The following LRP2 variants were observed in gnomAD, a reference collection of about 807,000 sequenced individuals.
LRP2 encodes the protein low-density lipoprotein receptor-related protein 2.
A neutral mutation model predicts 531.0 loss-of-function variants in LRP2; 172 were observed. The ratio of observed to expected loss-of-function variants is 0.32; its 90% CI spans 0.29 to 0.37. The LOEUF is 0.37. LRP2 is among the 10% of genes least tolerant of loss of function. The pLI is 1.00. For synonymous variants in LRP2, 1,992 were observed against 2,027.6 expected, an observed-to-expected ratio of 0.98 and a Z score of 0.47; for missense variants, 5,167 against 5,868.3, an observed-to-expected ratio of 0.88 and a Z score of 3.90.
intron 1 of LRP2, among the ~76,000 whole-genome samples, chr2:169,338,385 AAAGAAAGAAAGAAAGAAAGAAAG>A (rs1559082634): frequency 7.8e-6 from 1 of 128,672 alleles, no homozygotes; most frequent in African/African-American, 3.0e-5. Context: ...AGAAAGAAAG[AAAGAAAGAAAGAAAGAAAGAAAG>A]AAAAGAAAAG....
chr2:169,173,013 C>G, intron 57 of LRP2, 83 bp downstream of exon 57: 2 of 1,502,760 alleles, frequency 1.3e-6, no homozygotes, highest in Non-Finnish European at 1.8e-6. Flanking sequence ...ATGGGAAATA[C>G]ACTCTCATCT....
In LRP2 at chr2:169,165,802, T is replaced by C. The variant is rs1011766246; in HGVS notation, c.11758+130A>G. On this transcript the variant is annotated intron_variant, in intron 62 of 78. Coordinates refer to ENST00000649046, the MANE Select transcript of LRP2 (RefSeq NM_004525.3). ...GTGTTTGCATGGTCTTGTAAACAAT[T>C]ATGTCAGCAGAGATCTGCAGTCATG... is the stretch of plus-strand genomic sequence containing the variant. The C allele has an allele frequency of 9.0e-6, 10 of 1,108,486 alleles. No individual in the cohort carries two copies. In the African/African-American group the frequency reaches 1.4e-4, roughly 15 times the overall value. 68.7% of individuals were successfully genotyped at this position (1,108,486 alleles called of 1,614,324 possible). A position where few individuals can be genotyped will look rare whatever the true frequency, so the allele number is the denominator to read the frequency against.
At chr2:169,196,761 G>T in intron 46 of LRP2, 150 bp downstream of exon 46, 10 of 1,056,100 alleles carry the variant, frequency 9.5e-6, no homozygotes, top group Middle Eastern at 4.7e-4. Context: ...ATGAATATCC[G>T]CTGAGCGGTG....
rs976831870 is a variant in LRP2, at chr2:169,152,982, C to T, written c.12296-18G>A. ...CACAACACCTACAGAGGAAGACACA[C>T]AGGTCAGTTTCATGTCAAGAGCATC... On this transcript the variant is annotated intron_variant, in intron 66 of 78. Transcript: ENST00000649046. 1 of 1,612,918 alleles carries T rather than the reference C, an allele frequency of 6.2e-7. No individual in the cohort carries two copies. Among genetic ancestry groups the T allele is most frequent in the Non-Finnish European group, 8.5e-7 (1 of 1,179,582 alleles).
At chr2:169,248,367 T>C (rs919050937) in intron 19 of LRP2, among the ~76,000 whole-genome samples, 8 of 152,344 alleles carry the variant, frequency 5.3e-5, no homozygotes, top group Admixed American at 2.0e-4. Context: ...TTGACCAATT[T>C]CCTTATCTGT....
rs73970130 is a variant in LRP2 at position 169,140,610 on chromosome 2, A to C, written c.13109-65T>G. On this transcript the variant is annotated intron_variant, in intron 71 of 78. Transcript: ENST00000649046. ...ACTCAGCAGAGTGCCCACACCATGC[A>C]AACCGGCCCAGGTTAGGGGTGGGAG... The C allele has an allele frequency of 0.022, 28,632 of 1,276,448 alleles. 1,573 individuals are homozygous for C. Among genetic ancestry groups the C allele is most frequent in the African/African-American group, 0.19 (13,291 of 69,634 alleles). The allele number at this position is 1,276,448 out of a possible 1,614,324, so 79.1% of individuals were successfully genotyped here.
At chr2:169,158,515 T>G (rs1372480803) in intron 63 of LRP2, among the ~76,000 whole-genome samples, 1 of 152,004 alleles carries the variant, frequency 6.6e-6, no homozygotes, top group Non-Finnish European at 1.5e-5. Context: ...GATATATATC[T>G]TGGTTTCAAA....
At chr2:169,327,471 G>A (rs1395418601) in intron 1 of LRP2, among the ~76,000 whole-genome samples, 23 of 106,128 alleles carry the variant, frequency 2.2e-4, no homozygotes, top group Non-Finnish European at 2.7e-4. Context: ...CAGCCGCCCC[G>A]TCTGGGAGGG....
intron 25 of LRP2, among the ~76,000 whole-genome samples, chr2:169,240,011 C>T (rs756606792): frequency 2.0e-5 from 3 of 152,198 alleles, no homozygotes; most frequent in Non-Finnish European, 2.9e-5. Flanking sequence ...TTCTTCACTA[C>T]AACCCAATAG....
At chr2:169,152,169 A>G (rs2105355639) in intron 67 of LRP2, among the ~76,000 whole-genome samples, 1 of 152,308 alleles carries the variant, frequency 6.6e-6, no homozygotes, top group South Asian at 2.1e-4. Context: ...CTTAAGTTCT[A>G]CTTAAAAACC....
intron 44 of LRP2, among the ~76,000 whole-genome samples, chr2:169,200,606 AAT>A (rs1688172831): frequency 6.6e-6 from 1 of 152,062 alleles, no homozygotes; most frequent in African/African-American, 2.4e-5. Flanking sequence ...AGTTCAATAT[AAT>A]ACTAAACTAA....
At chr2:169,264,550 C>T (rs532956784) in intron 16 of LRP2, among the ~76,000 whole-genome samples, 226 of 152,066 alleles carry the variant, frequency 1.5e-3, no homozygotes, top group African/African-American at 5.0e-3. Context: ...CCTCTTCCTC[C>T]GAAATTCTAC....
chr2:169,191,797 A>T, intron 48 of LRP2, 35 bp downstream of exon 48: 1 of 1,592,062 alleles, frequency 6.3e-7, no homozygotes. Flanking sequence ...TGGACATTTG[A>T]GGCATGCTGG....
At chr2:169,267,122 T>C (rs1489373066) in intron 16 of LRP2, among the ~76,000 whole-genome samples, 7 of 151,836 alleles carry the variant, frequency 4.6e-5, no homozygotes. Context: ...ACTCCCGGCC[T>C]CAAGCAATCC....
intron 7 of LRP2, among the ~76,000 whole-genome samples, chr2:169,291,368 T>G (rs968306327): frequency 1.3e-5 from 2 of 152,244 alleles, no homozygotes; most frequent in African/African-American, 4.8e-5. Context: ...TACTTGAATT[T>G]GTGGTTGGGC....
intron 31 of LRP2, among the ~76,000 whole-genome samples, 199 bp downstream of exon 31, chr2:169,231,515 T>G (rs191410510): frequency 6.6e-6 from 1 of 152,258 alleles, no homozygotes; most frequent in East Asian, 1.9e-4. Context: ...ACAGATAACA[T>G]TAGTTCCATA....
At chr2:169,352,890 A>C (rs533212866) in intron 1 of LRP2, among the ~76,000 whole-genome samples, 3 of 151,958 alleles carry the variant, frequency 2.0e-5, no homozygotes, top group Non-Finnish European at 4.4e-5. Context: ...GGGCCAAGGG[A>C]AGGGAGAGCA....
At chr2:169,320,259 T>C (rs1347138823) in intron 2 of LRP2, among the ~76,000 whole-genome samples, 2 of 152,232 alleles carry the variant, frequency 1.3e-5, no homozygotes, top group Admixed American at 6.5e-5. Context: ...CATTATCGTA[T>C]TTTTCAAATT....
At chr2:169,295,386 T>C (rs922445968) in intron 4 of LRP2, among the ~76,000 whole-genome samples, 3 of 152,226 alleles carry the variant, frequency 2.0e-5, no homozygotes, top group East Asian at 3.8e-4. Context: ...AAGCACAAAT[T>C]GTTGTTGCCA....
Sources: allele counts gnomAD v4.1 joint callset (sites outside exome capture counted in the v4.1 genomes callset), GRCh38; gene constraint gnomAD v4.1.1; transcripts MANE v1.5; gene names NCBI Gene and HGNC (gene_info 2026-07-23, HGNC 2026-07-21).